HHIP: variants seen among roughly 807,000 people sequenced by gnomAD.
HHIP encodes the protein hedgehog-interacting protein.
HHIP carries 12 observed loss-of-function variants against 74.0 expected under a neutral mutation model. The observed-to-expected ratio is 0.16, with a 90% CI of 0.10 to 0.26. The LOEUF (loss-of-function observed/expected upper bound fraction) is 0.26, where lower values mean the gene tolerates loss of function less well. Among genes scored for constraint, HHIP ranks in the 10% least tolerant of loss-of-function variants. The pLI is 1.00. For synonymous variants in HHIP, 309 were observed against 311.6 expected (o/e 0.99, Z 0.09); for missense variants, 788 against 845.0 (o/e 0.93, Z 0.84).
rs1730971669 is a variant in HHIP, at chr4:144,731,995, T to C, written c.1761-2746T>C. 2.6e-5 allele frequency among the ~76,000 whole-genome samples: 4 copies of C among 152,294 alleles called. No individual in the cohort carries two copies. The South Asian group carries it at 8.3e-4, about 32-fold the overall frequency. On this transcript the variant is annotated intron_variant, in intron 11 of 12. Coordinates refer to ENST00000296575, the MANE Select transcript of HHIP (RefSeq NM_022475.3). ...TCAGGACCCTGTACTATTTATGTCTTATCTCCCTGAAGAGCGCAGTACTTG... is the reference window on the plus strand; with the variant it reads ...TCAGGACCCTGTACTATTTATGTCTCATCTCCCTGAAGAGCGCAGTACTTG...
intron 12 of HHIP, among the ~76,000 whole-genome samples, chr4:144,735,496 T>G (rs2126692852): frequency 6.6e-6 from 1 of 152,320 alleles, no homozygotes; most frequent in African/African-American, 2.4e-5. Flanking sequence ...TGTTCTAGCC[T>G]ATAACTTGAT....
At position 144,739,197 on chromosome 4, in the gene HHIP, G is replaced by A. The variant is rs976605193; in HGVS notation, c.*1240G>A. 1 of 152,188 alleles carries A rather than the reference G, an allele frequency of 6.6e-6. No individual in the cohort carries two copies. Among genetic ancestry groups the A allele is most frequent in the Non-Finnish European group, 1.5e-5 (1 of 68,036 alleles). The allele number at this position is 152,188 out of a possible 1,614,324, so 9.4% of individuals were successfully genotyped here. Reference sequence around the variant, plus strand: ...ATTTTCTGTAAATGTTCTGTTCAGGGTTTTACAGAGATGACATGTTCTGAC... The same window carrying A: ...ATTTTCTGTAAATGTTCTGTTCAGGATTTTACAGAGATGACATGTTCTGAC... On this transcript the variant is annotated 3_prime_UTR_variant, in exon 13 of 13. Coordinates refer to ENST00000296575, the MANE Select transcript of HHIP (RefSeq NM_022475.3).
At chr4:144,652,532 C>T in intron 1 of HHIP, 73 bp from the exon 2 acceptor site, 1 of 962,258 alleles carries the variant, frequency 1.0e-6, no homozygotes, top group African/African-American at 1.7e-5. Flanking sequence ...TACACAATTG[C>T]AAAAAATAAT....
At position 144,714,319 on chromosome 4, in the gene HHIP, T is replaced by C; in HGVS notation, c.1518T>C (p.Tyr506=). ...GGGGCTGCCAGTCAGAAAGATTGTATGGAAGCTACGTGTTTGGAGATCGTA... is the reference window on the plus strand; with the variant it reads ...GGGGCTGCCAGTCAGAAAGATTGTACGGAAGCTACGTGTTTGGAGATCGTA... ...VYRGCQSERL[Y]GSYVFGDRNG... The change falls in exon 9 of 13, where the codon TAT becomes TAC. Residue 506 remains tyrosine (Y), a synonymous_variant. Transcript: ENST00000296575. 2 of 1,613,478 alleles carry C rather than the reference T, an allele frequency of 1.2e-6. No homozygotes were observed. The highest frequency in any genetic ancestry group is 1.7e-6 in the Non-Finnish European group (2 of 1,179,606).
At chr4:144,676,892 G>A (rs1729184403) in intron 4 of HHIP, among the ~76,000 whole-genome samples, 1 of 152,194 alleles carries the variant, frequency 6.6e-6, no homozygotes, top group African/African-American at 2.4e-5. Flanking sequence ...ATCCTTCTGA[G>A]GATGACTGTG....
In HHIP at chr4:144,715,396, C is replaced by T. The variant is rs141850394; in HGVS notation, c.1644C>T (p.Ser548=). The T allele has an allele frequency of 1.7e-4, 276 of 1,613,390 alleles. No homozygotes were observed. In the African/African-American group the frequency reaches 3.0e-3, roughly 17 times the overall value. Reference sequence around the variant, plus strand: ...GTGGGTCCTGTAGAGGCTACTTTTCCGGTCACATCTTGGGATTTGGAGAAG... The same window carrying T: ...GTGGGTCCTGTAGAGGCTACTTTTCTGGTCACATCTTGGGATTTGGAGAAG... ...GTSGSCRGYF[S]GHILGFGEDE... Residue 548 remains serine (S), a synonymous_variant, in exon 10 of 13, where the codon TCC becomes TCT. Coordinates refer to ENST00000296575, the MANE Select transcript of HHIP (RefSeq NM_022475.3).
chr4:144,685,912 GT>G (rs1729471825), intron 4 of HHIP, among the ~76,000 whole-genome samples: 2 of 152,166 alleles, frequency 1.3e-5, no homozygotes, highest in Non-Finnish European at 2.9e-5. Context: ...TCCACCCAAA[GT>G]TTCCCGTAAA....
In HHIP at chr4:144,659,670, G is replaced by A. The variant is rs767124597; in HGVS notation, c.663G>A (p.Glu221=). 1 of 1,549,298 alleles carries A rather than the reference G, an allele frequency of 6.5e-7. No individual in the cohort carries two copies. Among genetic ancestry groups the A allele is most frequent in the Non-Finnish European group, 8.7e-7 (1 of 1,153,366 alleles). The stretch of plus-strand genomic sequence containing the variant: ...AACACAACTGCTTCTGTATTCAGGA[G>A]GTTGTGAGTGGGCTGCGGCAGCCCG... The part of the protein sequence containing the change: ...KHKHNCFCIQ[E]VVSGLRQPVG... Residue 221 remains glutamate, a synonymous_variant, in exon 4 of 13, where the codon GAG becomes GAA. Coordinates refer to ENST00000296575, the MANE Select transcript of HHIP (RefSeq NM_022475.3).
chr4:144,686,694 C>T (rs7699480), intron 4 of HHIP, among the ~76,000 whole-genome samples: 88,838 of 151,944 alleles, frequency 0.58, 26,039 homozygotes, highest in South Asian at 0.78. Flanking sequence ...AGACTTAATT[C>T]AGACTATTAA....
intron 4 of HHIP, among the ~76,000 whole-genome samples, chr4:144,676,043 A>G (rs1030691123): frequency 6.6e-6 from 1 of 152,166 alleles, no homozygotes; most frequent in African/African-American, 2.4e-5. Flanking sequence ...GTGTACGTAA[A>G]CAAGATGTAT....
chr4:144,691,426 A>G (rs550617654), intron 4 of HHIP, among the ~76,000 whole-genome samples: 1 of 152,336 alleles, frequency 6.6e-6, no homozygotes, highest in East Asian at 1.9e-4. Context: ...GAAAGAGAAG[A>G]GCAAGGCAAT....
At position 144,646,790 on chromosome 4, in the gene HHIP, T is replaced by C; in HGVS notation, c.115T>C (p.Cys39Arg). ...AGGGAGCGGAGCAAGGAGGAGAAGG[T>C]GCCTGAATGGGAACCCCCCGAAGCG... is the stretch of plus-strand genomic sequence containing the variant. Reference protein sequence around the residue: ...NEGSGARRRRCLNGNPPKRLK... With the variant: ...NEGSGARRRRRLNGNPPKRLK... The change falls in exon 1 of 13, where the codon TGC (cysteine) becomes CGC (arginine). Residue 39 changes from cysteine to arginine, a missense_variant. By Grantham distance (180) the Cys-to-Arg change is radical. This residue lies in a region of HHIP where 373 missense variants were observed against 366.4 expected (regional missense o/e 1.02). Coordinates refer to ENST00000296575, the MANE Select transcript of HHIP (RefSeq NM_022475.3). The C allele has an allele frequency of 6.2e-7, 1 of 1,614,086 alleles. No individual in the cohort carries two copies. Among genetic ancestry groups the C allele is most frequent in the African/African-American group, 1.3e-5 (1 of 75,006 alleles).
At chr4:144,689,119 A>G (rs1344572741) in intron 4 of HHIP, among the ~76,000 whole-genome samples, 1 of 152,190 alleles carries the variant, frequency 6.6e-6, no homozygotes, top group Non-Finnish European at 1.5e-5. Context: ...CTATACCTGC[A>G]CACATGTGAT....
At chr4:144,684,424 AT>A (rs1267053352) in intron 4 of HHIP, among the ~76,000 whole-genome samples, 9 of 148,778 alleles carry the variant, frequency 6.0e-5, no homozygotes, top group East Asian at 2.0e-4. Flanking sequence ...ACGCCCGGCT[AT>A]TTTTTTTATT....
intron 2 of HHIP, among the ~76,000 whole-genome samples, chr4:144,653,646 G>T (rs1300113226): frequency 2.0e-5 from 3 of 152,092 alleles, no homozygotes; most frequent in Non-Finnish European, 4.4e-5. Context: ...TGAAGATTAA[G>T]CAGTATTTAA....
chr4:144,659,746 A>G lies in HHIP; in HGVS notation c.739A>G (p.Lys247Glu). ...CTCGCAACGTCTCTTCATTCTGGAA[A>G]AAGAAGGTTATGTGAAGATACTTAC... The part of the protein sequence containing the change: ...DGSQRLFILE[K>E]EGYVKILTPE... Residue 247 changes from lysine to glutamate, a missense_variant, in exon 4 of 13, where the codon AAA (lysine) becomes GAA (glutamate). By Grantham distance (56) the Lys-to-Glu change is moderately conservative. This residue lies in a region of HHIP where 373 missense variants were observed against 366.4 expected (regional missense o/e 1.02). Coordinates refer to ENST00000296575, the MANE Select transcript of HHIP (RefSeq NM_022475.3). 6.2e-7 allele frequency: 1 copy of G among 1,612,066 alleles called. No homozygotes were observed. The highest frequency in any genetic ancestry group is 2.2e-5 in the East Asian group (1 of 44,850).
intron 4 of HHIP, among the ~76,000 whole-genome samples, chr4:144,692,754 AC>A (rs1260860831): frequency 6.6e-6 from 1 of 152,178 alleles, no homozygotes; most frequent in East Asian, 1.9e-4. Context: ...TTTCTTGAGC[AC>A]CAATAGTGTG....
chr4:144,737,570 C>G (rs1486811112), intron 12 of HHIP, among the ~76,000 whole-genome samples, 194 bp from the exon 13 acceptor site: 1 of 152,200 alleles, frequency 6.6e-6, no homozygotes, highest in African/African-American at 2.4e-5. Flanking sequence ...CTGCTGAGTT[C>G]AGGTCTCCAA....
At position 144,690,088 on chromosome 4, in the gene HHIP, G is replaced by A. The variant is rs189115270; in HGVS notation, c.832-16443G>A. Among the ~76,000 whole-genome samples, 235 of 152,260 alleles carry A rather than the reference G, an allele frequency of 1.5e-3. 5 individuals carry two copies. Among genetic ancestry groups the A allele is most frequent in the African/African-American group, 5.1e-3 (213 of 41,558 alleles). On this transcript the variant is annotated intron_variant, in intron 4 of 12. Transcript: ENST00000296575. ...CTCCCAAAGTACTGGGATTACAGGC[G>A]GGTAAACCATTTTAAATGACTTATT...
Sources: allele counts gnomAD v4.1 joint callset (sites outside exome capture counted in the v4.1 genomes callset), GRCh38; gene constraint gnomAD v4.1.1; regional missense constraint gnomAD v4.1.1; transcripts MANE v1.5; gene names NCBI Gene and HGNC (gene_info 2026-07-23, HGNC 2026-07-21).